PGLYRP3: variants seen among roughly 807,000 people sequenced by gnomAD.
PGLYRP3 encodes peptidoglycan recognition protein 3, also known as peptidoglycan recognition protein I alpha.
In PGLYRP3, 39 loss-of-function variants were observed where a neutral mutation model predicts 36.0. That is an observed-to-expected ratio of 1.08 (90% CI 0.84 to 1.41). The LOEUF (loss-of-function observed/expected upper bound fraction) is 1.41. Ranked by LOEUF, PGLYRP3 falls within the 40% of genes most tolerant of loss-of-function variation. The pLI is 0.00. For synonymous variants in PGLYRP3, 204 were observed against 172.8 expected (o/e 1.18, Z -1.42); for missense variants, 407 against 427.9 (o/e 0.95, Z 0.43).
rs866130116 is a variant in PGLYRP3, at chr1:153,297,550, G to A, written c.*406C>T. On this transcript the variant is annotated 3_prime_UTR_variant, in exon 8 of 8. Coordinates refer to ENST00000683862, the MANE Select transcript of PGLYRP3 (RefSeq NM_052891.3). ...AGGAAGGAAGGAAGGAAGGAAGGAA[G>A]GAAAGAAAGAAAAAGAAAGAAAGAA... 1.6e-3 allele frequency among the ~76,000 whole-genome samples: 142 copies of A among 91,082 alleles called. 1 individual carries two copies. Among genetic ancestry groups the A allele is most frequent in the African/African-American group, 5.7e-3 (131 of 23,056 alleles). 59.8% of individuals were successfully genotyped at this position (91,082 alleles called of 152,430 possible).
chr1:153,297,936 C>G lies in PGLYRP3; in HGVS notation c.*20G>C, dbSNP rs1427833069. ...CCCAGCAGGGGAGGGAGGGCAGTCT[C>G]AAAGGGAGTGGGGCCTCCTTCAGTG... On this transcript the variant is annotated 3_prime_UTR_variant, in exon 8 of 8. Coordinates refer to ENST00000683862, the MANE Select transcript of PGLYRP3 (RefSeq NM_052891.3). 5 of 1,611,462 alleles carry G rather than the reference C, an allele frequency of 3.1e-6. No homozygotes were observed. The highest frequency in any genetic ancestry group is 1.7e-4 in the Middle Eastern group (1 of 5,976).
chr1:153,301,972 A>G lies in PGLYRP3; in HGVS notation c.728+437T>C, dbSNP rs112838605. Among the ~76,000 whole-genome samples, 990 of 152,334 alleles carry G rather than the reference A, an allele frequency of 6.5e-3. 14 individuals carry two copies. The highest frequency in any genetic ancestry group is 0.023 in the African/African-American group (943 of 41,552). ...GCCCAGAGAGGTTAAAAGTTCCTAC[A>G]TCTATAAAATGAGGTAAGTAACACC... On this transcript the variant is annotated intron_variant, in intron 6 of 7. Coordinates refer to ENST00000683862, the MANE Select transcript of PGLYRP3 (RefSeq NM_052891.3).
At chr1:153,303,140 T>C (rs534250277) in intron 5 of PGLYRP3, among the ~76,000 whole-genome samples, 2 of 152,242 alleles carry the variant, frequency 1.3e-5, no homozygotes, top group African/African-American at 4.8e-5. Flanking sequence ...AAAATATCAT[T>C]GATCCCAAGA....
chr1:153,310,723 C>G lies in PGLYRP3; in HGVS notation c.-41-17G>C. The G allele has an allele frequency of 2.0e-6, 3 of 1,469,500 alleles. No homozygotes were observed. The highest frequency in any genetic ancestry group is 2.9e-6 in the Non-Finnish European group (3 of 1,051,504). The allele number at this position is 1,469,500 out of a possible 1,614,324, so 91.0% of individuals were successfully genotyped here. ...ACGGCAGCCCTGGAAGAGAGGCTAA[C>G]AGTTAACACAACCATGCTAACTCTG... On this transcript the variant is annotated splice_polypyrimidine_tract_variant and intron_variant, in intron 1 of 7. Coordinates refer to ENST00000683862, the MANE Select transcript of PGLYRP3 (RefSeq NM_052891.3).
chr1:153,301,008 A>G (rs774575201), intron 6 of PGLYRP3, among the ~76,000 whole-genome samples: 55 of 152,202 alleles, frequency 3.6e-4, no homozygotes, highest in Non-Finnish European at 5.7e-4. Flanking sequence ...TCAAACTACT[A>G]GGCTCAAGCG....
intron 2 of PGLYRP3, 123 bp from the exon 3 acceptor site, chr1:153,307,390 G>A: frequency 1.1e-6 from 1 of 914,698 alleles, no homozygotes; most frequent in East Asian, 2.7e-5. Flanking sequence ...AGACACCCTG[G>A]GGGAGCCCTT....
Position 153,303,888 on chromosome 1 carries a change from C to T in PGLYRP3, c.498G>A (p.Leu166=). 1 of 1,613,610 alleles carries T rather than the reference C, an allele frequency of 6.2e-7. No individual in the cohort carries two copies. Among genetic ancestry groups the T allele is most frequent in the Non-Finnish European group, 8.5e-7 (1 of 1,179,848 alleles). ...QPLLLKEETC[L]DPQHPVMPRK... ...TGGGCATCACTGGATGTTGAGGGTC[C>T]AGGCAGGTCTCTTCTTTCAGAAGAA... The change falls in exon 5 of 8, where the codon CTG becomes CTA. Residue 166 remains leucine, a synonymous_variant. Transcript: ENST00000683862.
At chr1:153,302,057 T>C (rs182103650) in intron 6 of PGLYRP3, among the ~76,000 whole-genome samples, 40 of 152,276 alleles carry the variant, frequency 2.6e-4, no homozygotes, top group Non-Finnish European at 5.3e-4. Context: ...CAGACTGAGA[T>C]AGGAGTGAGC....
chr1:153,297,581 G>GAAGAAAGAAAGA lies in PGLYRP3; in HGVS notation c.*363_*374dup, dbSNP rs202027575. ...AAAGAAAAAGAAAGAAAGAAAGAAA[G>GAAGAAAGAAAGA]AAGAAAGAAAGAAAGAAAGAAAGAG... On this transcript the variant is annotated 3_prime_UTR_variant, in exon 8 of 8. Transcript: ENST00000683862. 4.1e-5 allele frequency among the ~76,000 whole-genome samples: 2 copies of GAAGAAAGAAAGA among 48,436 alleles called. No homozygotes were observed. Among genetic ancestry groups the GAAGAAAGAAAGA allele is most frequent in the African/African-American group, 1.4e-4 (2 of 14,518 alleles). The allele number at this position is 48,436 out of a possible 152,430, so 31.8% of individuals were successfully genotyped here.
chr1:153,303,467 T>C (rs1659653755), intron 5 of PGLYRP3, among the ~76,000 whole-genome samples: 1 of 152,256 alleles, frequency 6.6e-6, no homozygotes, highest in Non-Finnish European at 1.5e-5. Flanking sequence ...TAACATCATA[T>C]ACATTTCTTT....
rs1659483415 is a variant in PGLYRP3, at chr1:153,297,994, A to G, written c.988T>C (p.Tyr330His). 3 of 1,613,814 alleles carry G rather than the reference A, an allele frequency of 1.9e-6. No individual in the cohort carries two copies. Among genetic ancestry groups the G allele is most frequent in the South Asian group, 2.2e-5 (2 of 91,054 alleles). ...TGAGGCCAGGTGCTGATGATGTTAT[A>G]CAAAGCCTGCCCAGGGGACAGGATG... ...VNILSPGQALYNIISTWPHFK... is the reference protein window; with the variant it reads ...VNILSPGQALHNIISTWPHFK... The change falls in exon 8 of 8, where the codon TAT (tyrosine) becomes CAT (histidine). Residue 330 changes from tyrosine to histidine, a missense_variant. Coordinates refer to ENST00000683862, the MANE Select transcript of PGLYRP3 (RefSeq NM_052891.3).
intron 4 of PGLYRP3, among the ~76,000 whole-genome samples, chr1:153,304,378 G>C (rs1435654218): frequency 6.6e-6 from 1 of 152,148 alleles, no homozygotes; most frequent in East Asian, 1.9e-4. Flanking sequence ...TGTGCAGTAG[G>C]CTTTTTATAT....
chr1:153,308,785 C>T (rs1053301135), intron 2 of PGLYRP3, among the ~76,000 whole-genome samples: 3 of 152,208 alleles, frequency 2.0e-5, no homozygotes, highest in African/African-American at 7.2e-5. Context: ...AAGTCTCTGG[C>T]CTTGGCCTGC....
intron 3 of PGLYRP3, 44 bp downstream of exon 3, chr1:153,307,022 C>T (rs1290319857): frequency 5.0e-6 from 8 of 1,586,462 alleles, no homozygotes; most frequent in Non-Finnish European, 6.9e-6. Flanking sequence ...GAAGCACCCC[C>T]GTGACTTTGG....
intron 1 of PGLYRP3, among the ~76,000 whole-genome samples, chr1:153,312,316 GA>G (rs1026960179): frequency 1.2e-4 from 18 of 152,124 alleles, no homozygotes; most frequent in African/African-American, 4.3e-4. Flanking sequence ...CCTGTATACT[GA>G]AAGAAACATT....
intron 4 of PGLYRP3, 103 bp downstream of exon 4, chr1:153,304,844 G>T (rs1246085628): frequency 3.7e-6 from 3 of 801,556 alleles, no homozygotes; most frequent in African/African-American, 3.5e-5. Flanking sequence ...ATCAGAGAAG[G>T]TAAGTATGAT....
At chr1:153,301,154 C>A (rs148074008) in intron 6 of PGLYRP3, among the ~76,000 whole-genome samples, 122 of 152,318 alleles carry the variant, frequency 8.0e-4, no homozygotes, top group African/African-American at 2.7e-3. Context: ...CTCCTGACCT[C>A]AAGCAATCCT....
intron 2 of PGLYRP3, among the ~76,000 whole-genome samples, chr1:153,307,872 G>A (rs894339679): frequency 3.1e-4 from 47 of 152,268 alleles, no homozygotes; most frequent in African/African-American, 1.1e-3. Flanking sequence ...CTACCTGAGG[G>A]CTCCCTTTCT....
At position 153,305,050 on chromosome 1, in the gene PGLYRP3, A is replaced by C; in HGVS notation, c.273T>G (p.Asp91Glu). Residue 91 changes from aspartate (D) to glutamate (E), a missense_variant, in exon 4 of 8, where the codon GAT (aspartate) becomes GAG (glutamate). Coordinates refer to ENST00000683862, the MANE Select transcript of PGLYRP3 (RefSeq NM_052891.3). ...CDVAYNFLVG[D>E]DGRVYEGVGW... ...CAACACCTTCATACACCCTGCCATC[A>C]TCCCCAACCAGGAAGCTGACAAGAA... 6.2e-7 allele frequency: 1 copy of C among 1,611,688 alleles called. No individual in the cohort carries two copies. Among genetic ancestry groups the C allele is most frequent in the Non-Finnish European group, 8.5e-7 (1 of 1,179,072 alleles).
Sources: allele counts gnomAD v4.1 joint callset (sites outside exome capture counted in the v4.1 genomes callset), GRCh38; gene constraint gnomAD v4.1.1; transcripts MANE v1.5; gene names NCBI Gene and HGNC (gene_info 2026-07-23, HGNC 2026-07-21).